The following BASP1 variants were observed in gnomAD, a reference collection of about 807,000 sequenced individuals.
The protein encoded by BASP1 is brain abundant membrane attached signal protein 1.
A neutral mutation model predicts 2.2 loss-of-function variants in BASP1; 1 was observed. The observed-to-expected ratio is 0.46, with a 90% CI of 0.16 to 2.17. The LOEUF is 2.17. BASP1 is among the 30% of genes most tolerant of loss of function. BASP1 has a pLI of 0.27. For synonymous variants in BASP1, 187 were observed against 154.2 expected, an observed-to-expected ratio of 1.21 and a Z score of -1.58; for missense variants, 352 against 327.2, an observed-to-expected ratio of 1.08 and a Z score of -0.58.
At chr5:17,266,525 G>A (rs1265965642) in intron 1 of BASP1, among the ~76,000 whole-genome samples, 1 of 152,106 alleles carries the variant, frequency 6.6e-6, no homozygotes, top group African/African-American at 2.4e-5. Context: ...CTATATCTGG[G>A]GTGGGGCATG....
intron 1 of BASP1, among the ~76,000 whole-genome samples, chr5:17,237,621 CTT>C (rs10607958): frequency 0.78 from 110,762 of 141,194 alleles, 43,390 homozygotes; most frequent in African/African-American, 0.86. Flanking sequence ...CCTGACATTG[CTT>C]TTTTTTTTTT....
At chr5:17,271,784 C>T (rs1027423804) in intron 1 of BASP1, among the ~76,000 whole-genome samples, 5 of 152,004 alleles carry the variant, frequency 3.3e-5, no homozygotes, top group Non-Finnish European at 7.4e-5. Context: ...TGAATGAAAT[C>T]GGCTGGGCAT....
chr5:17,228,032 C>A (rs1027513024), intron 1 of BASP1, among the ~76,000 whole-genome samples: 1 of 152,148 alleles, frequency 6.6e-6, no homozygotes, highest in Non-Finnish European at 1.5e-5. Flanking sequence ...TAATGCTTCC[C>A]AGGTATGTGT....
intron 1 of BASP1, among the ~76,000 whole-genome samples, chr5:17,226,815 C>T (rs1739517905): frequency 1.3e-5 from 2 of 152,168 alleles, no homozygotes. Flanking sequence ...CTCCTTAATT[C>T]TGCAATGCAC....
chr5:17,227,578 T>A (rs894065510), intron 1 of BASP1, among the ~76,000 whole-genome samples: 1 of 151,922 alleles, frequency 6.6e-6, no homozygotes, highest in Non-Finnish European at 1.5e-5. Context: ...TTTTTTTGTA[T>A]TTTTTAGTAG....
intron 1 of BASP1, among the ~76,000 whole-genome samples, chr5:17,231,566 GCTCCCAGGT>G (rs897061871): frequency 2.0e-5 from 3 of 151,890 alleles, no homozygotes; most frequent in African/African-American, 7.3e-5. Context: ...ATACCAACAG[GCTCCCAGGT>G]CTCCCAGGGC....
At position 17,275,858 on chromosome 5, in the gene BASP1, C is replaced by T; in HGVS notation, c.642C>T (p.Ala214=). ...ASAEEPKPVE[A]PAANSDQTVT... is the part of the protein sequence containing the mutation. ...CAGAAGAGCCCAAGCCGGTGGAGGC[C>T]CCGGCAGCTAATTCCGACCAAACCG... Residue 214 remains alanine (A), a synonymous_variant, in exon 2 of 2, where the codon GCC becomes GCT. Transcript: ENST00000322611. The surrounding 1 kb of genome is among the most constrained non-coding windows in gnomAD (Gnocchi z 5.3). 6.2e-7 allele frequency: 1 copy of T among 1,603,112 alleles called. No individual in the cohort carries two copies. The highest frequency in any genetic ancestry group is 1.1e-5 in the South Asian group (1 of 89,882).
intron 1 of BASP1, among the ~76,000 whole-genome samples, chr5:17,237,733 C>T (rs1057317794): frequency 6.6e-6 from 1 of 152,016 alleles, no homozygotes; most frequent in Non-Finnish European, 1.5e-5. Context: ...GCCTCCACCT[C>T]CCGAGTAGCT....
intron 1 of BASP1, among the ~76,000 whole-genome samples, chr5:17,258,921 T>C (rs1740263220): frequency 6.6e-6 from 1 of 152,104 alleles, no homozygotes; most frequent in Non-Finnish European, 1.5e-5. Flanking sequence ...GGGAGATACA[T>C]TTGAATTTAT....
rs72738657 is a variant in BASP1, at chr5:17,265,896, C to G, written c.-9-9312C>G. On this transcript the variant is annotated intron_variant, in intron 1 of 1. Transcript: ENST00000322611. ...AGAATGCATAGGCAGCAGGGCTGAC[C>G]CATGCGTTTTCACTTGGTACCAGCA... Among the ~76,000 whole-genome samples the G allele has an allele frequency of 7.2e-3, 1,097 of 152,256 alleles. 5 individuals are homozygous for G. Among genetic ancestry groups the G allele is most frequent in the South Asian group, 0.027 (128 of 4,818 alleles).
At chr5:17,239,221 G>A (rs1739809269) in intron 1 of BASP1, among the ~76,000 whole-genome samples, 2 of 151,996 alleles carry the variant, frequency 1.3e-5, no homozygotes, top group Non-Finnish European at 2.9e-5. Flanking sequence ...AGCCTCCTGA[G>A]TAGCTGGGAC....
chr5:17,272,059 A>G (rs1740539789), intron 1 of BASP1, among the ~76,000 whole-genome samples: 1 of 149,272 alleles, frequency 6.7e-6, no homozygotes, highest in Non-Finnish European at 1.5e-5. Context: ...ACAGACTGAG[A>G]CTGCATTTCA....
intron 1 of BASP1, among the ~76,000 whole-genome samples, chr5:17,256,508 C>T (rs909494996): frequency 1.3e-5 from 2 of 152,128 alleles, no homozygotes; most frequent in Admixed American, 6.5e-5. Context: ...TGTGTGTATA[C>T]ATTATTACTG....
chr5:17,257,217 G>A (rs990653534), intron 1 of BASP1, among the ~76,000 whole-genome samples: 14 of 152,112 alleles, frequency 9.2e-5, no homozygotes, highest in African/African-American at 3.4e-4. Context: ...TTATCATTGT[G>A]AGATTTATTA....
intron 1 of BASP1, among the ~76,000 whole-genome samples, chr5:17,230,954 T>G (rs919317596): frequency 3.9e-5 from 6 of 152,132 alleles, no homozygotes; most frequent in Non-Finnish European, 8.8e-5. Flanking sequence ...TAAGGTCACA[T>G]TACGTTAACT....
rs917777612 is a variant in BASP1 at position 17,255,867 on chromosome 5, T to C, written c.-9-19341T>C. Among the ~76,000 whole-genome samples, 3 of 152,332 alleles carry C rather than the reference T, an allele frequency of 2.0e-5. No homozygotes were observed. In the East Asian group the frequency reaches 5.8e-4, roughly 29 times the overall value. ...CAATTTCATGATTTCTTAAGACTAA[T>C]GCTGTCACCAGTATATTTCATTTAG... On this transcript the variant is annotated intron_variant, in intron 1 of 1. Transcript: ENST00000322611.
At chr5:17,242,252 A>C (rs17615337) in intron 1 of BASP1, among the ~76,000 whole-genome samples, 1 of 152,090 alleles carries the variant, frequency 6.6e-6, no homozygotes, top group African/African-American at 2.4e-5. Flanking sequence ...AAATAGTAGA[A>C]GTTTTTGTAT....
At chr5:17,231,208 G>T (rs1389995940) in intron 1 of BASP1, among the ~76,000 whole-genome samples, 1 of 152,168 alleles carries the variant, frequency 6.6e-6, no homozygotes, top group Admixed American at 6.5e-5. Context: ...CAATGTCAGT[G>T]AGGACCTTTA....
intron 1 of BASP1, among the ~76,000 whole-genome samples, chr5:17,232,820 T>C (rs575954461): frequency 6.6e-6 from 1 of 152,290 alleles, no homozygotes; most frequent in East Asian, 1.9e-4. Context: ...ATGGTCAACA[T>C]TCACCTTCTG....
Sources: gnomAD v4.1 joint callset for allele counts (sites outside exome capture counted in the v4.1 genomes callset) on GRCh38, gnomAD v4.1.1 for gene constraint, Gnocchi (gnomAD v3.1) non-coding constraint, MANE v1.5 for transcripts, NCBI Gene and HGNC (gene_info 2026-07-23, HGNC 2026-07-21) for gene names.